WTAP: variants seen among roughly 807,000 people sequenced by gnomAD.
WTAP encodes the protein WT1 associated protein, also known as pre-mRNA-splicing regulator WTAP.
Under a neutral mutation model 50.0 loss-of-function variants are expected in WTAP, and 8 were observed. The observed-to-expected ratio is 0.16, with a 90% CI of 0.09 to 0.29. WTAP has a LOEUF of 0.29. Ranked by LOEUF, WTAP falls within the 10% of genes least tolerant of loss-of-function variation. The probability of loss-of-function intolerance (pLI) is 1.00; values close to 1 mark genes in which losing one functional copy is unlikely to be tolerated. For missense variants in WTAP, 295 were observed against 470.7 expected, an observed-to-expected ratio of 0.63 and a Z score of 3.45; for synonymous variants, 194 against 169.0, an observed-to-expected ratio of 1.15 and a Z score of -1.15.
intron 6 of WTAP, among the ~76,000 whole-genome samples, chr6:159,749,989 C>G (rs540726796): frequency 6.6e-6 from 1 of 152,158 alleles, no homozygotes; most frequent in East Asian, 1.9e-4. Context: ...CTTAAGTTCT[C>G]TCTTAATCAT....
rs747375621 is a variant in WTAP, at chr6:159,755,270, C to T, written c.850C>T (p.Arg284Cys). 55 of 1,614,026 alleles carry T rather than the reference C, an allele frequency of 3.4e-5. No individual in the cohort carries two copies. The highest frequency in any genetic ancestry group is 6.7e-5 in the East Asian group (3 of 44,900). ...CGGACCAAGTAATGGTAGCTCCTCC[C>T]GCCAGAGGACGTCTGGGTCTGGATT... ...TNGPSNGSSS[R>C]QRTSGSGFHR... Residue 284 changes from arginine (R) to cysteine (C), a missense_variant, in exon 8 of 8, where the codon CGC (arginine) becomes TGC (cysteine). Physicochemically the swap from Arg to Cys is radical, Grantham distance 180 (BLOSUM62 -3). Coordinates refer to ENST00000621533, the MANE Select transcript of WTAP (RefSeq NM_001270531.2).
At position 159,748,533 on chromosome 6, in the gene WTAP, C is replaced by T; in HGVS notation, c.452+164C>T. Reference sequence around the variant, plus strand: ...CCAGCTTGTAATGGTTAATGTAAAACTTACCAGATGAACCTTGTGTTTCAG... The same window carrying T: ...CCAGCTTGTAATGGTTAATGTAAAATTTACCAGATGAACCTTGTGTTTCAG... On this transcript the variant is annotated intron_variant, in intron 6 of 7. Coordinates refer to ENST00000621533, the MANE Select transcript of WTAP (RefSeq NM_001270531.2). This position sits in a 1 kb window ranked among gnomAD's most constrained non-coding sequence, Gnocchi z 5.6. 7.2e-7 allele frequency: 1 copy of T among 1,388,562 alleles called. No homozygotes were observed. 86.0% of individuals were successfully genotyped at this position (1,388,562 alleles called of 1,614,324 possible). A position where few individuals can be genotyped will look rare whatever the true frequency, so the allele number is the denominator to read the frequency against.
chr6:159,753,423 G>A (rs1779892851), intron 6 of WTAP, 37 bp from the exon 7 acceptor site: 2 of 1,613,968 alleles, frequency 1.2e-6, no homozygotes, highest in Non-Finnish European at 1.7e-6. Context: ...AGAGAGTTTT[G>A]TCTTCATTTT....
rs761831356 is a variant in WTAP at position 159,755,302 on chromosome 6, G to A, written c.882G>A (p.Arg294=). The A allele has an allele frequency of 1.1e-5, 17 of 1,614,220 alleles. No homozygotes were observed. In the Admixed American group the frequency reaches 2.5e-4, roughly 24 times the overall value. The change falls in exon 8 of 8, where the codon AGG becomes AGA. Residue 294 remains arginine (R), a synonymous_variant. Transcript: ENST00000621533. Reference sequence around the variant, plus strand: ...GGACGTCTGGGTCTGGATTTCACAGGGAGGGCAACACAACCGAAGATGACT... The same window carrying A: ...GGACGTCTGGGTCTGGATTTCACAGAGAGGGCAACACAACCGAAGATGACT... ...RQRTSGSGFH[R]EGNTTEDDFP...
In WTAP at chr6:159,748,424, A is replaced by G; in HGVS notation, c.452+55A>G. 6.3e-7 allele frequency: 1 copy of G among 1,597,590 alleles called. No individual in the cohort carries two copies. The highest frequency in any genetic ancestry group is 8.5e-7 in the Non-Finnish European group (1 of 1,169,954). Reference sequence around the variant, plus strand: ...TTCCCTGACAGTCCCACTACGAGAAAGCTGTGGTGGGACAGCCAAGTACTC... The same window carrying G: ...TTCCCTGACAGTCCCACTACGAGAAGGCTGTGGTGGGACAGCCAAGTACTC... On this transcript the variant is annotated intron_variant, in intron 6 of 7. Transcript: ENST00000621533. The surrounding 1 kb of genome is among the most constrained non-coding windows in gnomAD (Gnocchi z 5.6).
intron 1 of WTAP, among the ~76,000 whole-genome samples, chr6:159,729,286 T>C (rs1218129898): frequency 1.3e-5 from 2 of 152,244 alleles, no homozygotes; most frequent in Non-Finnish European, 2.9e-5. Flanking sequence ...AGACTGAAGA[T>C]AGTATTTTGG....
chr6:159,726,969 G>C (rs549838851), upstream of WTAP: 148 of 1,283,850 alleles, frequency 1.2e-4, 1 homozygote, highest in Non-Finnish European at 1.5e-4. Context: ...CGAACACAGA[G>C]CGGCCAATCA....
At chr6:159,728,239 T>TA (rs1336528773) in intron 1 of WTAP, among the ~76,000 whole-genome samples, 1 of 152,246 alleles carries the variant, frequency 6.6e-6, no homozygotes, top group African/African-American at 2.4e-5. Context: ...ATCCAAGTCT[T>TA]ACCTTGGATC....
intron 5 of WTAP, among the ~76,000 whole-genome samples, chr6:159,744,402 GTTTC>G (rs1421435868): frequency 6.6e-6 from 1 of 152,138 alleles, no homozygotes; most frequent in Non-Finnish European, 1.5e-5. Context: ...AAATCTGAAT[GTTTC>G]TTCAATTCTT....
rs1202287689 is a variant in WTAP at position 159,742,235 on chromosome 6, G to A, written c.145+89G>A. On this transcript the variant is annotated intron_variant, in intron 4 of 7. Transcript: ENST00000621533. ...GATAGTTGTTTTTATTAAAGCAAATGTAATTTTTCTCGTGTTTTATTATAA... is the reference window on the plus strand; with the variant it reads ...GATAGTTGTTTTTATTAAAGCAAATATAATTTTTCTCGTGTTTTATTATAA... 1.6e-5 allele frequency: 19 copies of A among 1,170,256 alleles called. No homozygotes were observed. In the Admixed American group the frequency reaches 4.2e-4, roughly 26 times the overall value. 72.5% of individuals were successfully genotyped at this position (1,170,256 alleles called of 1,614,324 possible).
chr6:159,731,741 C>T (rs1778583019), intron 1 of WTAP, among the ~76,000 whole-genome samples: 1 of 152,030 alleles, frequency 6.6e-6, no homozygotes, highest in African/African-American at 2.4e-5. Context: ...AGTATTTGGG[C>T]CCTGGTTGTG....
chr6:159,744,136 A>C (rs779307757), intron 5 of WTAP, among the ~76,000 whole-genome samples: 1 of 152,214 alleles, frequency 6.6e-6, no homozygotes, highest in Non-Finnish European at 1.5e-5. Context: ...TGATTAGGAA[A>C]GCCATCTGAG....
At chr6:159,749,507 C>G (rs1184490394) in intron 6 of WTAP, 9 of 909,614 alleles carry the variant, frequency 9.9e-6, no homozygotes, top group Non-Finnish European at 1.2e-5. Flanking sequence ...GCGGGGAGGG[C>G]CTGTTGAGAG....
chr6:159,749,458 A>G, intron 6 of WTAP: 3 of 979,088 alleles, frequency 3.1e-6, no homozygotes, highest in Non-Finnish European at 3.6e-6. Context: ...AAAGAATATT[A>G]TGATGATTTT....
At chr6:159,738,259 C>A in intron 2 of WTAP, among the ~76,000 whole-genome samples, 1 of 152,220 alleles carries the variant, frequency 6.6e-6, no homozygotes, top group East Asian at 1.9e-4. Context: ...CCATGCCTGA[C>A]CCCTGGCAAC....
intron 3 of WTAP, 163 bp from the exon 4 acceptor site, chr6:159,741,925 C>T (rs1052046003): frequency 3.7e-6 from 2 of 547,344 alleles, no homozygotes; most frequent in South Asian, 2.1e-5. Flanking sequence ...GCACTCCAGC[C>T]TGGGGGACAG....
intron 2 of WTAP, among the ~76,000 whole-genome samples, chr6:159,738,324 A>G (rs1375957480): frequency 2.0e-5 from 3 of 152,220 alleles, no homozygotes; most frequent in Non-Finnish European, 4.4e-5. Flanking sequence ...TATAAATGTA[A>G]TCATGTAGTA....
chr6:159,732,293 A>G (rs930967217), intron 1 of WTAP, among the ~76,000 whole-genome samples: 1 of 152,148 alleles, frequency 6.6e-6, no homozygotes, highest in Non-Finnish European at 1.5e-5. Context: ...TATTACAACT[A>G]AAGTTGTACA....
At chr6:159,746,683 G>T (rs187798545) in intron 5 of WTAP, among the ~76,000 whole-genome samples, 2 of 152,102 alleles carry the variant, frequency 1.3e-5, no homozygotes, top group African/African-American at 4.8e-5. Context: ...TATTTTGTTG[G>T]TAAGTAAAAT....
Sources: gnomAD v4.1 joint callset for allele counts (sites outside exome capture counted in the v4.1 genomes callset) on GRCh38, gnomAD v4.1.1 for gene constraint, Gnocchi (gnomAD v3.1) non-coding constraint, MANE v1.5 for transcripts, NCBI Gene and HGNC (gene_info 2026-07-23, HGNC 2026-07-21) for gene names.